The following FANCA variants were observed in gnomAD, a reference collection of about 807,000 sequenced individuals.
FANCA encodes the protein FA complementation group A, also known as Fanconi anemia group A protein.
Under a neutral mutation model 194.3 loss-of-function variants are expected in FANCA, and 236 were observed. The ratio of observed to expected loss-of-function variants is 1.21; its 90% CI spans 1.09 to 1.35. FANCA has a LOEUF of 1.35. Ranked by LOEUF, FANCA falls within the 40% of genes most tolerant of loss-of-function variation. The pLI is 0.00. For missense variants in FANCA, 2,628 were observed against 1,813.9 expected (o/e 1.45, Z -8.15); for synonymous variants, 1,014 against 715.8 (o/e 1.42, Z -6.65).
intron 13 of FANCA, 91 bp downstream of exon 13, chr16:89,791,836 T>G (rs2040085646): frequency 6.5e-6 from 10 of 1,545,208 alleles, no homozygotes; most frequent in Middle Eastern, 2.1e-4. Flanking sequence ...AGGGCTTCAC[T>G]GAGAGGCTCA....
At chr16:89,781,487 C>T (rs1340518582) in intron 17 of FANCA, among the ~76,000 whole-genome samples, 1 of 147,596 alleles carries the variant, frequency 6.8e-6, no homozygotes, top group African/African-American at 2.5e-5. Flanking sequence ...TCCTGGATAA[C>T]ATGGTGAAAC....
rs969928702 is a variant in FANCA at position 89,766,449 on chromosome 16, C to T, written c.2601+692G>A. Among the ~76,000 whole-genome samples, 3 of 152,076 alleles carry T rather than the reference C, an allele frequency of 2.0e-5. No individual in the cohort carries two copies. The South Asian group carries it at 6.2e-4, about 32-fold the overall frequency. ...CTGGGCCGGGCACCAGCGGCTCACG[C>T]CTGTAATCCCAGCACTTTGGGAGGC... is the stretch of plus-strand genomic sequence containing the variant. On this transcript the variant is annotated intron_variant, in intron 27 of 42. Transcript: ENST00000389301.
intron 11 of FANCA, chr16:89,792,784 A>G: frequency 2.2e-6 from 1 of 458,300 alleles, no homozygotes; most frequent in East Asian, 4.4e-5. Context: ...GCTGTTATTT[A>G]TTGGATACAA....
intron 30 of FANCA, among the ~76,000 whole-genome samples, 190 bp from the exon 31 acceptor site, chr16:89,752,412 T>A (rs1567605858): frequency 6.6e-6 from 1 of 152,088 alleles, no homozygotes; most frequent in Non-Finnish European, 1.5e-5. Context: ...ATACAAAAAT[T>A]ATGTACCATG....
chr16:89,811,203 G>A, intron 3 of FANCA, 132 bp from the exon 4 acceptor site: 1 of 1,044,698 alleles, frequency 9.6e-7, no homozygotes, highest in Non-Finnish European at 1.4e-6. Context: ...GGGGAGAATA[G>A]ATGCAAAGGG....
intron 37 of FANCA, among the ~76,000 whole-genome samples, chr16:89,741,151 C>T (rs939310001): frequency 4.6e-5 from 7 of 152,308 alleles, no homozygotes; most frequent in East Asian, 1.9e-4. Flanking sequence ...CTTGGCTGTG[C>T]GCAGTCCCAA....
At chr16:89,811,142 T>A in intron 3 of FANCA, 71 bp from the exon 4 acceptor site, 2 of 1,598,718 alleles carry the variant, frequency 1.3e-6, no homozygotes, top group Non-Finnish European at 1.7e-6. Context: ...AGACTTGCTG[T>A]TTAAAATGCC....
intron 20 of FANCA, among the ~76,000 whole-genome samples, chr16:89,776,159 C>CTCTTTTTTTTTT: frequency 1.1e-5 from 1 of 93,276 alleles, no homozygotes; most frequent in Non-Finnish European, 2.2e-5. Flanking sequence ...CTTTGTTTTT[C>CTCTTTTTTTTTT]TTTTTTTTTT....
At chr16:89,780,535 G>T (rs1415781175) in intron 17 of FANCA, among the ~76,000 whole-genome samples, 2 of 151,698 alleles carry the variant, frequency 1.3e-5, no homozygotes, top group Non-Finnish European at 2.9e-5. Context: ...GAGGTGGAAG[G>T]ATTGCCTGTG....
chr16:89,755,494 C>T (rs1180261397), intron 30 of FANCA, among the ~76,000 whole-genome samples: 1 of 152,074 alleles, frequency 6.6e-6, no homozygotes, highest in Non-Finnish European at 1.5e-5. Context: ...CGTGAGCCAC[C>T]GTGGCTGGCC....
chr16:89,762,423 G>A (rs1019418815), intron 28 of FANCA, among the ~76,000 whole-genome samples: 8 of 150,140 alleles, frequency 5.3e-5, no homozygotes, highest in African/African-American at 1.5e-4. Context: ...GTGACACCCC[G>A]TCTCTACAAA....
At chr16:89,756,164 C>T (rs1308548170) in intron 30 of FANCA, among the ~76,000 whole-genome samples, 1 of 152,142 alleles carries the variant, frequency 6.6e-6, no homozygotes, top group Non-Finnish European at 1.5e-5. Context: ...CATTCTTATG[C>T]AGTACATGAA....
intron 29 of FANCA, among the ~76,000 whole-genome samples, chr16:89,759,246 G>T (rs1241843883): frequency 6.8e-6 from 1 of 146,846 alleles, no homozygotes; most frequent in Non-Finnish European, 1.5e-5. Context: ...TATGAACCTG[G>T]GAGGTGGAGC....
chr16:89,810,239 C>T lies in FANCA; in HGVS notation c.522+468G>A, dbSNP rs569901074. Among the ~76,000 whole-genome samples, 856 of 150,450 alleles carry T rather than the reference C, an allele frequency of 5.7e-3. 6 individuals are homozygous for T. The highest frequency in any genetic ancestry group is 0.02 in the African/African-American group (823 of 40,924). The stretch of plus-strand genomic sequence containing the variant: ...TCGGGAGGCTGAGGCAGGAGAATGG[C>T]GTGAACCTGGGAGGTGGGGCTTGCA... On this transcript the variant is annotated intron_variant, in intron 5 of 42. Coordinates refer to ENST00000389301, the MANE Select transcript of FANCA (RefSeq NM_000135.4).
At chr16:89,809,202 G>A (rs775901066) in intron 5 of FANCA, among the ~76,000 whole-genome samples, 80 of 151,722 alleles carry the variant, frequency 5.3e-4, no homozygotes, top group Middle Eastern at 3.2e-3. Flanking sequence ...CACTGGGCCC[G>A]GCCCCTAACT....
At position 89,738,693 on chromosome 16, in the gene FANCA, C is replaced by G; in HGVS notation, c.4276G>C (p.Gly1426Arg). ...GCGCTCACCTCTGGGTCGCAGTCCC[C>G]ACGATCAGCCAGCAGCTGTGAGAGA... ...SHVAELLADR[G>R]DCDPEVSAAL... Residue 1426 changes from glycine to arginine, a missense_variant, in exon 43 of 43, where the codon GGG becomes CGG. Physicochemically the swap from Gly to Arg is moderately radical, Grantham distance 125 (BLOSUM62 -2). Transcript: ENST00000389301. 1 of 1,613,936 alleles carries G rather than the reference C, an allele frequency of 6.2e-7. No homozygotes were observed. The highest frequency in any genetic ancestry group is 1.1e-5 in the South Asian group (1 of 91,082).
At position 89,749,844 on chromosome 16, in the gene FANCA, G is replaced by A. The variant is rs1173497525; in HGVS notation, c.3125C>T (p.Pro1042Leu). The change falls in exon 32 of 43, where the codon CCT becomes CTT. Residue 1042 changes from proline (P) to leucine (L), a missense_variant. Pro to Leu is a moderately conservative substitution (Grantham distance 98, BLOSUM62 -3). Coordinates refer to ENST00000389301, the MANE Select transcript of FANCA (RefSeq NM_000135.4). ...CTCAAAGAGGAAGTGCTCCTGGGAAGGGGTGTGGCCGAGAGGCACTATGAG... is the reference window on the plus strand; with the variant it reads ...CTCAAAGAGGAAGTGCTCCTGGGAAAGGGTGTGGCCGAGAGGCACTATGAG... ...QDLIVPLGHTPSQEHFLFEIF... is the reference protein window; with the variant it reads ...QDLIVPLGHTLSQEHFLFEIF... 7 of 1,614,094 alleles carry A rather than the reference G, an allele frequency of 4.3e-6. No individual in the cohort carries two copies. The highest frequency in any genetic ancestry group is 1.3e-5 in the African/African-American group (1 of 74,940).
chr16:89,811,195 G>A (rs2143682140), intron 3 of FANCA, 124 bp from the exon 4 acceptor site: 2 of 1,182,150 alleles, frequency 1.7e-6, no homozygotes, highest in South Asian at 1.3e-5. Context: ...TTTTAAACGG[G>A]GAGAATAGAT....
chr16:89,783,686 G>T (rs1259591072), intron 15 of FANCA, among the ~76,000 whole-genome samples: 1 of 152,186 alleles, frequency 6.6e-6, no homozygotes, highest in Non-Finnish European at 1.5e-5. Context: ...AATCCTAGCA[G>T]CGGCAGCAGG....
Sources: gnomAD v4.1 joint callset for allele counts (sites outside exome capture counted in the v4.1 genomes callset) on GRCh38, gnomAD v4.1.1 for gene constraint, MANE v1.5 for transcripts, NCBI Gene and HGNC (gene_info 2026-07-23, HGNC 2026-07-21) for gene names.